The following MKX variants were observed in gnomAD, a reference collection of about 807,000 sequenced individuals.
MKX encodes homeobox protein Mohawk.
A neutral mutation model predicts 36.0 loss-of-function variants in MKX; 13 were observed. The observed-to-expected ratio is 0.36, with a 90% CI of 0.24 to 0.57. The LOEUF is 0.57. Among genes scored for constraint, MKX ranks in the 20% least tolerant of loss-of-function variants. The pLI is 0.79. For synonymous variants in MKX, 176 were observed against 178.3 expected (o/e 0.99, Z 0.10); for missense variants, 458 against 456.4 (o/e 1.00, Z -0.03).
intron 5 of MKX, among the ~76,000 whole-genome samples, chr10:27,731,371 C>T (rs560277817): frequency 2.0e-5 from 3 of 151,986 alleles, no homozygotes; most frequent in Admixed American, 6.5e-5. Context: ...CAGAGAAAAC[C>T]ATAGCAGTTG....
intron 5 of MKX, among the ~76,000 whole-genome samples, chr10:27,695,427 G>A (rs934364030): frequency 6.8e-6 from 1 of 146,678 alleles, no homozygotes; most frequent in African/African-American, 2.5e-5. Context: ...GCTCAGTAAG[G>A]CTTAACAGAA....
rs1834996512 is a variant in MKX, at chr10:27,744,279, A to T, written c.-82-782T>A. Among the ~76,000 whole-genome samples the T allele has an allele frequency of 6.6e-6, 1 of 152,000 alleles. No individual in the cohort carries two copies. The highest frequency in any genetic ancestry group is 6.5e-5 in the Admixed American group (1 of 15,280). ...GTCCCCAGAGCCCTCAATCAGTGCC[A>T]TTCTCTTCCGCAGCGCGGGTGTCAG... On this transcript the variant is annotated intron_variant, in intron 1 of 6. Coordinates refer to ENST00000419761, the MANE Select transcript of MKX (RefSeq NM_173576.3). The surrounding 1 kb of genome is among the most constrained non-coding windows in gnomAD (Gnocchi z 5.6).
chr10:27,737,254 A>G (rs1163703407), intron 3 of MKX, among the ~76,000 whole-genome samples: 1 of 152,128 alleles, frequency 6.6e-6, no homozygotes, highest in African/African-American at 2.4e-5. Context: ...ACTAGCTGGG[A>G]ATTTGAAAAC....
chr10:27,729,300 T>TTC (rs1263218018), intron 5 of MKX, among the ~76,000 whole-genome samples: 1 of 149,012 alleles, frequency 6.7e-6, no homozygotes, highest in East Asian at 2.0e-4. Context: ...GCCTTTTTTT[T>TTC]TTTTTTTTTT....
chr10:27,710,197 C>T (rs1836827225), intron 5 of MKX, among the ~76,000 whole-genome samples: 1 of 152,098 alleles, frequency 6.6e-6, no homozygotes, highest in Non-Finnish European at 1.5e-5. Flanking sequence ...CCTGAGGATG[C>T]CTCAGAAGTT....
In MKX at chr10:27,743,442, G is replaced by A. The variant is rs1170985953; in HGVS notation, c.-27C>T. The A allele has an allele frequency of 1.3e-6, 2 of 1,514,270 alleles. No individual in the cohort carries two copies. The highest frequency in any genetic ancestry group is 8.8e-7 in the Non-Finnish European group (1 of 1,135,310). 93.8% of individuals were successfully genotyped at this position (1,514,270 alleles called of 1,614,324 possible). On this transcript the variant is annotated 5_prime_UTR_variant, in exon 2 of 7. Transcript: ENST00000419761. The stretch of plus-strand genomic sequence containing the variant: ...GTGTCGGTTGGTAGGGACGCGCGGC[G>A]CGGCCGCAGAGCCTCGGGGCTGGGC...
In MKX at chr10:27,742,872, C is replaced by T. The variant is rs1317125121; in HGVS notation, c.188+356G>A. 6.6e-6 allele frequency among the ~76,000 whole-genome samples: 1 copy of T among 152,138 alleles called. No homozygotes were observed. The highest frequency in any genetic ancestry group is 2.4e-5 in the African/African-American group (1 of 41,448). The stretch of plus-strand genomic sequence containing the variant: ...CTCGGCTTCGCCTGTTTCTCTGCAC[C>T]GAGCTCAGTCCTTTTTCCTCGCCCT... On this transcript the variant is annotated intron_variant, in intron 2 of 6. Transcript: ENST00000419761. The surrounding 1 kb of genome is among the most constrained non-coding windows in gnomAD (Gnocchi z 4.2).
intron 3 of MKX, among the ~76,000 whole-genome samples, chr10:27,738,781 A>G (rs990431757): frequency 1.3e-5 from 2 of 152,098 alleles, no homozygotes; most frequent in African/African-American, 4.8e-5. Flanking sequence ...AAAGGGATAA[A>G]CTGGCATCTG....
In MKX at chr10:27,743,292, CG is replaced by C; in HGVS notation, c.123del (p.Glu42ArgfsTer16). 1 of 1,552,360 alleles carries C rather than the reference CG, an allele frequency of 6.4e-7. No homozygotes were observed. The highest frequency in any genetic ancestry group is 8.7e-7 in the Non-Finnish European group (1 of 1,155,840). On this transcript the variant is annotated frameshift_variant, in exon 2 of 7. Transcript: ENST00000419761. LOFTEE classifies it high-confidence loss of function. ...GGCGGGCCGTCGGGAATGCCCACCT[CG>C]GGGCGGGCGTGAGGACTGTCCAGGA... is the stretch of plus-strand genomic sequence containing the variant. Reference protein sequence around the residue: ...SGVLDSPHARPEVGIPDGPPL... With the variant: ...SGVLDSPHARXEVGIPDGPPL...
At chr10:27,716,489 A>G (rs1836967450) in intron 5 of MKX, among the ~76,000 whole-genome samples, 1 of 152,028 alleles carries the variant, frequency 6.6e-6, no homozygotes, top group African/African-American at 2.4e-5. Flanking sequence ...TGCATGTGAA[A>G]ATGCCTACTT....
chr10:27,695,259 A>G (rs1836533734), intron 5 of MKX, among the ~76,000 whole-genome samples: 1 of 152,122 alleles, frequency 6.6e-6, no homozygotes, highest in Non-Finnish European at 1.5e-5. Context: ...TGAACATAGA[A>G]GGAGAAACGC....
intron 5 of MKX, among the ~76,000 whole-genome samples, chr10:27,682,735 C>T (rs2132494752): frequency 6.6e-6 from 1 of 152,022 alleles, no homozygotes; most frequent in Admixed American, 6.5e-5. Flanking sequence ...AATCACAGCA[C>T]TTTGGGAGGC....
intron 5 of MKX, among the ~76,000 whole-genome samples, chr10:27,701,718 T>C (rs2132527354): frequency 6.9e-6 from 1 of 144,952 alleles, no homozygotes; most frequent in African/African-American, 2.5e-5. Flanking sequence ...GTATATGACA[T>C]ATTTATATTA....
chr10:27,702,091 T>C (rs981100029), intron 5 of MKX, among the ~76,000 whole-genome samples: 7 of 152,116 alleles, frequency 4.6e-5, no homozygotes, highest in Non-Finnish European at 7.3e-5. Context: ...ATTCCTTCTA[T>C]TCAAAGTTAG....
chr10:27,690,046 T>C (rs530104840), intron 5 of MKX, among the ~76,000 whole-genome samples: 3 of 152,292 alleles, frequency 2.0e-5, no homozygotes, highest in South Asian at 4.1e-4. Context: ...ATACAAGATA[T>C]TGCTAGAAAA....
At chr10:27,716,043 C>G (rs913585347) in intron 5 of MKX, among the ~76,000 whole-genome samples, 1 of 152,098 alleles carries the variant, frequency 6.6e-6, no homozygotes, top group Non-Finnish European at 1.5e-5. Flanking sequence ...GATATGAATT[C>G]GAATCATGGT....
At chr10:27,717,692 G>A (rs1156252453) in intron 5 of MKX, among the ~76,000 whole-genome samples, 2 of 152,236 alleles carry the variant, frequency 1.3e-5, no homozygotes, top group Non-Finnish European at 2.9e-5. Context: ...TGCTGCAATT[G>A]TTAGCTAGAA....
rs778944448 is a variant in MKX, at chr10:27,742,624, C to T, written c.188+604G>A. On this transcript the variant is annotated intron_variant, in intron 2 of 6. Coordinates refer to ENST00000419761, the MANE Select transcript of MKX (RefSeq NM_173576.3). This position sits in a 1 kb window ranked among gnomAD's most constrained non-coding sequence, Gnocchi z 4.2. Reference sequence around the variant, plus strand: ...GCCCACCCGCAAGCTACCGCCCCCCCCAGCATACCCCTCACCCCGCTAAAC... The same window carrying T: ...GCCCACCCGCAAGCTACCGCCCCCCTCAGCATACCCCTCACCCCGCTAAAC... Among the ~76,000 whole-genome samples, 30 of 151,976 alleles carry T rather than the reference C, an allele frequency of 2.0e-4. 1 individual carries two copies. The East Asian group carries it at 5.7e-3, about 29-fold the overall frequency.
intron 5 of MKX, among the ~76,000 whole-genome samples, chr10:27,680,669 GT>G (rs1420149863): frequency 6.6e-6 from 1 of 152,050 alleles, no homozygotes; most frequent in African/African-American, 2.4e-5. Context: ...TTTCTCTGAG[GT>G]TTTTAAAAAA....
Sources: gnomAD v4.1 joint callset for allele counts (sites outside exome capture counted in the v4.1 genomes callset) on GRCh38, gnomAD v4.1.1 for gene constraint, Gnocchi (gnomAD v3.1) non-coding constraint, MANE v1.5 for transcripts, NCBI Gene and HGNC (gene_info 2026-07-23, HGNC 2026-07-21) for gene names.